Variants in B3GALT1 observed in about 807,000 individuals in gnomAD.
B3GALT1 encodes the protein beta-1,3-galactosyltransferase 1.
A neutral mutation model predicts 23.2 loss-of-function variants in B3GALT1; 10 were observed. That is an observed-to-expected ratio of 0.43 (90% CI 0.27 to 0.73). The LOEUF (loss-of-function observed/expected upper bound fraction) is 0.73. Among genes scored for constraint, B3GALT1 ranks in the 30% least tolerant of loss-of-function variants. The pLI is 0.21. For synonymous variants in B3GALT1, 156 were observed against 141.5 expected (o/e 1.10, Z -0.73); for missense variants, 299 against 405.4 (o/e 0.74, Z 2.25).
Position 167,293,275 on chromosome 2 carries a change from G to A in B3GALT1, c.-570G>A, listed in dbSNP as rs1377719382. On this transcript the variant is annotated 5_prime_UTR_variant, in exon 1 of 5. Transcript: ENST00000392690. ...GAGCAGCAGCATCTTCGGGACCCTG[G>A]CTGCAGCGTCCCTGTGGCCCGCGCG... The A allele has an allele frequency of 6.6e-6, 1 of 152,236 alleles. No homozygotes were observed. The highest frequency in any genetic ancestry group is 1.5e-5 in the Non-Finnish European group (1 of 68,114). 9.4% of individuals were successfully genotyped at this position (152,236 alleles called of 1,614,324 possible).
intron 2 of B3GALT1, among the ~76,000 whole-genome samples, chr2:167,556,682 T>G (rs570272092): frequency 4.2e-4 from 64 of 152,260 alleles, no homozygotes; most frequent in Non-Finnish European, 5.7e-4. Flanking sequence ...ACGCAGTGAG[T>G]AGACTATTCA....
At chr2:167,548,691 T>TGTGTGTGTGTGTGAGA (rs1336946863) in intron 2 of B3GALT1, among the ~76,000 whole-genome samples, 4 of 134,698 alleles carry the variant, frequency 3.0e-5, no homozygotes, top group African/African-American at 1.5e-4. Flanking sequence ...TGTGAGTGTG[T>TGTGTGTGTGTGTGAGA]GTGTGTGTGT....
At chr2:167,489,188 C>T (rs1699668322) in intron 1 of B3GALT1, among the ~76,000 whole-genome samples, 1 of 152,072 alleles carries the variant, frequency 6.6e-6, no homozygotes, top group Non-Finnish European at 1.5e-5. Flanking sequence ...CATTTTAGAG[C>T]AGGTAACTCA....
chr2:167,651,314 G>A (rs1226901), intron 3 of B3GALT1, among the ~76,000 whole-genome samples: 25,077 of 151,470 alleles, frequency 0.17, 2,479 homozygotes, highest in Middle Eastern at 0.24. Context: ...GAGAAAAATA[G>A]ACACTTTATT....
At chr2:167,546,518 TAGTC>T (rs1683638076) in intron 2 of B3GALT1, among the ~76,000 whole-genome samples, 1 of 152,146 alleles carries the variant, frequency 6.6e-6, no homozygotes, top group Non-Finnish European at 1.5e-5. Flanking sequence ...GTACTCCTAT[TAGTC>T]AGGACATTGT....
At chr2:167,739,470 G>C (rs1687543442) in intron 3 of B3GALT1, among the ~76,000 whole-genome samples, 1 of 152,156 alleles carries the variant, frequency 6.6e-6, no homozygotes, top group Non-Finnish European at 1.5e-5. Flanking sequence ...GCTGTTGGAA[G>C]GACCATGGTC....
chr2:167,338,409 A>G (rs1285902439), intron 1 of B3GALT1, among the ~76,000 whole-genome samples: 1 of 152,148 alleles, frequency 6.6e-6, no homozygotes, highest in African/African-American at 2.4e-5. Context: ...CAAAGCAGTA[A>G]AATGTCAAGA....
chr2:167,363,662 C>T (rs1039991674), intron 1 of B3GALT1, among the ~76,000 whole-genome samples: 1 of 152,120 alleles, frequency 6.6e-6, no homozygotes, highest in African/African-American at 2.4e-5. Context: ...TTTTCCCACC[C>T]GTACTCTTGA....
intron 1 of B3GALT1, among the ~76,000 whole-genome samples, chr2:167,293,945 TG>T (rs1696301648): frequency 1.8e-4 from 1 of 5,628 alleles, no homozygotes; most frequent in African/African-American, 7.2e-4. Flanking sequence ...GGGGTGGGGG[TG>T]GGGGTGGAGG....
At chr2:167,512,648 A>T (rs201931781) in intron 2 of B3GALT1, among the ~76,000 whole-genome samples, 2,694 of 131,268 alleles carry the variant, frequency 0.021, 70 homozygotes, top group Middle Eastern at 0.033. Context: ...ATATATATAT[A>T]TATTTTGAGA....
Position 167,528,138 on chromosome 2 carries a change from G to A in B3GALT1, c.-410+37861G>A, listed in dbSNP as rs552415266. 2.6e-5 allele frequency among the ~76,000 whole-genome samples: 4 copies of A among 152,284 alleles called. No individual in the cohort carries two copies. In the East Asian group the frequency reaches 7.7e-4, roughly 29 times the overall value. ...CTGCACTTAGAATAAAAGCCACACA[G>A]CTTACTGTGGCCCAATGAGACAGAC... On this transcript the variant is annotated intron_variant, in intron 2 of 4. Transcript: ENST00000392690.
chr2:167,444,273 A>G (rs921541093), intron 1 of B3GALT1, among the ~76,000 whole-genome samples: 1 of 152,126 alleles, frequency 6.6e-6, no homozygotes. Flanking sequence ...GTTTGCCACT[A>G]TTTTATTGAG....
Position 167,852,466 on chromosome 2 carries a change from T to TGG in B3GALT1, c.-229-16344_-229-16343dup, listed in dbSNP as rs1370677950. Among the ~76,000 whole-genome samples, 19 of 100,002 alleles carry TGG rather than the reference T, an allele frequency of 1.9e-4. No individual in the cohort carries two copies. The South Asian group carries it at 2.0e-3, about 11-fold the overall frequency. The allele number at this position is 100,002 out of a possible 152,430, so 65.6% of individuals were successfully genotyped here. A position where few individuals can be genotyped will look rare whatever the true frequency, so the allele number is the denominator to read the frequency against. On this transcript the variant is annotated intron_variant, in intron 4 of 4. Transcript: ENST00000392690. The stretch of plus-strand genomic sequence containing the variant: ...TCCCAACTGTCTCTTTTATTCGTGA[T>TGG]GGTGTGTGTGTGTGTGTGTGTGTGT...
intron 3 of B3GALT1, among the ~76,000 whole-genome samples, chr2:167,670,032 A>T (rs1382700071): frequency 1.3e-5 from 2 of 152,214 alleles, no homozygotes; most frequent in African/African-American, 4.8e-5. Context: ...ATCTCAGAGG[A>T]TACATCACCT....
chr2:167,350,188 T>C (rs1024230659), intron 1 of B3GALT1, among the ~76,000 whole-genome samples: 1 of 152,190 alleles, frequency 6.6e-6, no homozygotes, highest in African/African-American at 2.4e-5. Context: ...TAATGCTAAG[T>C]AACTGCCATA....
chr2:167,553,325 C>T (rs1270999252), intron 2 of B3GALT1, among the ~76,000 whole-genome samples: 1 of 152,058 alleles, frequency 6.6e-6, no homozygotes, highest in African/African-American at 2.4e-5. Flanking sequence ...TGTAATAAAA[C>T]TTGGGTTAAT....
intron 4 of B3GALT1, among the ~76,000 whole-genome samples, chr2:167,844,629 G>C (rs1689717996): frequency 1.3e-5 from 2 of 152,332 alleles, no homozygotes; most frequent in African/African-American, 4.8e-5. Flanking sequence ...CCTTCCTGCT[G>C]GGCACCACAA....
intron 1 of B3GALT1, among the ~76,000 whole-genome samples, chr2:167,446,933 G>T (rs755094668): frequency 1.3e-5 from 2 of 152,164 alleles, no homozygotes; most frequent in African/African-American, 4.8e-5. Context: ...AGGAGAAGAG[G>T]CACTGTGATT....
At chr2:167,372,126 A>G (rs1301346674) in intron 1 of B3GALT1, among the ~76,000 whole-genome samples, 1 of 151,994 alleles carries the variant, frequency 6.6e-6, no homozygotes, top group Non-Finnish European at 1.5e-5. Flanking sequence ...AATAATGAAT[A>G]AAAGGGTAAA....
Sources: allele counts gnomAD v4.1 joint callset (sites outside exome capture counted in the v4.1 genomes callset), GRCh38; gene constraint gnomAD v4.1.1; transcripts MANE v1.5; gene names NCBI Gene and HGNC (gene_info 2026-07-23, HGNC 2026-07-21).